Variants in ANKHD1 observed in about 807,000 individuals in gnomAD.
ANKHD1 encodes ankyrin repeat and KH domain-containing protein 1.
ANKHD1 carries 31 observed loss-of-function variants against 230.5 expected under a neutral mutation model. The observed-to-expected ratio is 0.13, with a 90% CI of 0.10 to 0.18. The LOEUF is 0.18. ANKHD1 is among the 10% of genes least tolerant of loss of function. The pLI, the probability that ANKHD1 is intolerant of heterozygous loss-of-function variation, is 1.00. For synonymous variants in ANKHD1, 1,074 were observed against 1,117.6 expected (o/e 0.96, Z 0.78); for missense variants, 2,256 against 3,071.3 (o/e 0.73, Z 6.27).
chr5:140,433,252 G>A (rs1773195409), intron 1 of ANKHD1, among the ~76,000 whole-genome samples: 1 of 151,994 alleles, frequency 6.6e-6, no homozygotes, highest in African/African-American at 2.4e-5. Flanking sequence ...TTTTAGTACA[G>A]ACAGGGTTTC....
Position 140,402,139 on chromosome 5 carries a change from A to AGCAGCG in ANKHD1, c.175_180dup (p.Ser59_Gly60dup), listed in dbSNP as rs763677213. 4 of 1,546,942 alleles carry AGCAGCG rather than the reference A, an allele frequency of 2.6e-6. No individual in the cohort carries two copies. The highest frequency in any genetic ancestry group is 2.4e-5 in the South Asian group (2 of 83,208). On this transcript the variant is annotated inframe_insertion, in exon 1 of 34. Transcript: ENST00000360839. ...GGCCGGGCCAGCGTCGGGAGTCGGC[A>AGCAGCG]GCAGCGGCGGCGGCGGCAGCGGCAG...
At position 140,528,527 on chromosome 5, in the gene ANKHD1, G is replaced by A; in HGVS notation, c.5581G>A (p.Ala1861Thr). Residue 1861 changes from alanine (A) to threonine (T), a missense_variant, in exon 29 of 34, where the codon GCT becomes ACT. By Grantham distance (58) the Ala-to-Thr change is moderately conservative. Around this residue, in one of 13 missense-constraint regions of ANKHD1, gnomAD observed 778 missense variants for 966.5 expected, o/e 0.80. Transcript: ENST00000360839. ...TCACCCTCATTTTGCCCTGCTGGCT[G>A]CTCAAACTATGCAACAGATTCGGCA... is the stretch of plus-strand genomic sequence containing the variant. The part of the protein sequence containing the change: ...YPHPHFALLA[A>T]QTMQQIRHPR... 1 of 1,614,134 alleles carries A rather than the reference G, an allele frequency of 6.2e-7. No individual in the cohort carries two copies. The highest frequency in any genetic ancestry group is 8.5e-7 in the Non-Finnish European group (1 of 1,180,022).
rs574348898 is a variant in ANKHD1, at chr5:140,436,178, A to C, written c.381A>C (p.Ser127=). ...AAACAACATCAGAGATATTCTTATC[A>C]AGTACTGCAGAAGGAGCAGACTTAC... ...VLKTTSEIFL[S]STAEGADLRT... The change falls in exon 2 of 34, where the codon TCA becomes TCC. Residue 127 remains serine, a synonymous_variant. Transcript: ENST00000360839. 5 of 1,610,844 alleles carry C rather than the reference A, an allele frequency of 3.1e-6. No individual in the cohort carries two copies. In the African/African-American group the frequency reaches 4.0e-5, roughly 13 times the overall value.
At position 140,496,200 on chromosome 5, in the gene ANKHD1, T is replaced by C. The variant is rs116565989; in HGVS notation, c.2246-320T>C. 8.8e-3 allele frequency among the ~76,000 whole-genome samples: 1,347 copies of C among 152,228 alleles called. 17 individuals are homozygous for C. The highest frequency in any genetic ancestry group is 0.028 in the African/African-American group (1,146 of 41,520). ...TCTAATCAGCAGAATTTTGAGATTC[T>C]TGCCTCTTGGTTTTCCTTTTCCCCG... is the stretch of plus-strand genomic sequence containing the variant. On this transcript the variant is annotated intron_variant, in intron 14 of 33. Transcript: ENST00000360839.
chr5:140,509,938 G>A, intron 21 of ANKHD1, 81 bp from the exon 22 acceptor site: 3 of 1,544,508 alleles, frequency 1.9e-6, no homozygotes, highest in East Asian at 2.3e-5. Context: ...AAGTTATTTT[G>A]TAAAAGAAGA....
At chr5:140,427,602 C>T (rs1392274432) in intron 1 of ANKHD1, among the ~76,000 whole-genome samples, 9 of 139,768 alleles carry the variant, frequency 6.4e-5, no homozygotes, top group South Asian at 2.3e-4. Flanking sequence ...GGGGGGCTGA[C>T]GCCCCCACCT....
rs182339714 is a variant in ANKHD1 at position 140,419,073 on chromosome 5, A to G, written c.306+16800A>G. On this transcript the variant is annotated intron_variant, in intron 1 of 33. Transcript: ENST00000360839. The stretch of plus-strand genomic sequence containing the variant: ...AGCTGTACTATTTAACATTCCTACC[A>G]GCAATGTACAAGAGTTCCATTCTTC... Among the ~76,000 whole-genome samples the G allele has an allele frequency of 2.3e-3, 356 of 152,098 alleles. 2 individuals are homozygous for G. Among genetic ancestry groups the G allele is most frequent in the Non-Finnish European group, 4.2e-3 (284 of 68,010 alleles).
intron 1 of ANKHD1, among the ~76,000 whole-genome samples, chr5:140,420,249 C>CA (rs545119755): frequency 2.0e-5 from 3 of 151,806 alleles, no homozygotes; most frequent in Non-Finnish European, 4.4e-5. Flanking sequence ...CTTGGCCTCT[C>CA]AAAGTGCTGG....
At position 140,529,441 on chromosome 5, in the gene ANKHD1, T is replaced by C; in HGVS notation, c.6495T>C (p.Val2165=). The C allele has an allele frequency of 6.2e-7, 1 of 1,614,232 alleles. No individual in the cohort carries two copies. The highest frequency in any genetic ancestry group is 1.3e-5 in the African/African-American group (1 of 75,064). The change falls in exon 29 of 34, where the codon GTT becomes GTC. Residue 2165 remains valine (V), a synonymous_variant. Transcript: ENST00000360839. ...AGTCTATTTTTGTTACGAATCCAGT[T>C]ACTTTAACACCACCTCAAGGCCCAC... ...DPQSIFVTNP[V]TLTPPQGPPA... is the part of the protein sequence containing the mutation.
At chr5:140,467,847 T>A (rs768415251) in intron 10 of ANKHD1, among the ~76,000 whole-genome samples, 1 of 152,038 alleles carries the variant, frequency 6.6e-6, no homozygotes, top group Non-Finnish European at 1.5e-5. Flanking sequence ...GTAATTCTTA[T>A]CAACTTTATC....
At chr5:140,517,430 C>A (rs1488798412) in intron 24 of ANKHD1, among the ~76,000 whole-genome samples, 2 of 151,300 alleles carry the variant, frequency 1.3e-5, no homozygotes, top group South Asian at 2.1e-4. Context: ...CAGCTCTGCA[C>A]CAAGCGGACC....
chr5:140,451,722 G>A (rs1029149742), intron 7 of ANKHD1, among the ~76,000 whole-genome samples: 1 of 152,002 alleles, frequency 6.6e-6, no homozygotes, highest in African/African-American at 2.4e-5. Context: ...TCCCCAGGGT[G>A]GTCTCAAACA....
At position 140,529,377 on chromosome 5, in the gene ANKHD1, A is replaced by G. The variant is rs1235387040; in HGVS notation, c.6431A>G (p.Tyr2144Cys). The G allele has an allele frequency of 6.2e-7, 1 of 1,613,828 alleles. No homozygotes were observed. The highest frequency in any genetic ancestry group is 1.1e-5 in the South Asian group (1 of 91,068). The change falls in exon 29 of 34, where the codon TAC (tyrosine) becomes TGC (cysteine). Residue 2144 changes from tyrosine (Y) to cysteine (C), a missense_variant. By Grantham distance (194) the Tyr-to-Cys change is radical. This residue lies in a region of ANKHD1 where 778 missense variants were observed against 966.5 expected (regional missense o/e 0.80). Transcript: ENST00000360839. ...CGAATGCAGCCCAGAGGTTCTTTTT[A>G]CTCCATGGTACCAAATGCAACTATT... is the stretch of plus-strand genomic sequence containing the variant. ...SHRMQPRGSF[Y>C]SMVPNATIHQ...
rs1754211031 is a variant in ANKHD1 at position 140,539,459 on chromosome 5, A to G, written c.*41A>G. 5 of 1,580,120 alleles carry G rather than the reference A, an allele frequency of 3.2e-6. No individual in the cohort carries two copies. The highest frequency in any genetic ancestry group is 1.7e-4 in the Middle Eastern group (1 of 5,946). On this transcript the variant is annotated 3_prime_UTR_variant, in exon 34 of 34. Transcript: ENST00000360839. ...CTCTTTAGCCTTGTTTAAGAAACCT[A>G]TGACCTTGGAAGAACCATGGGGATT... is the stretch of plus-strand genomic sequence containing the variant.
At chr5:140,440,416 A>G in intron 4 of ANKHD1, 150 bp downstream of exon 4, 1 of 1,208,942 alleles carries the variant, frequency 8.3e-7, no homozygotes, top group Non-Finnish European at 1.1e-6. Context: ...TAAAGTAGAA[A>G]CAGATAACAC....
chr5:140,470,611 C>CTT (rs386405120), intron 10 of ANKHD1, among the ~76,000 whole-genome samples: 1,935 of 71,778 alleles, frequency 0.027, 175 homozygotes, highest in Middle Eastern at 0.089. Flanking sequence ...CTTGTTTCTG[C>CTT]TTTTTTTTTT....
chr5:140,455,590 A>G (rs1775112603), intron 7 of ANKHD1, among the ~76,000 whole-genome samples: 1 of 152,258 alleles, frequency 6.6e-6, no homozygotes, highest in African/African-American at 2.4e-5. Flanking sequence ...AATCCAGCAT[A>G]TAAACAGAAC....
At chr5:140,410,324 T>C (rs1220845290) in intron 1 of ANKHD1, among the ~76,000 whole-genome samples, 1 of 152,180 alleles carries the variant, frequency 6.6e-6, no homozygotes, top group Non-Finnish European at 1.5e-5. Context: ...TGATAAATTA[T>C]GTTATGAATG....
At chr5:140,441,194 C>G in intron 5 of ANKHD1, 52 bp downstream of exon 5, 1 of 1,436,382 alleles carries the variant, frequency 7.0e-7, no homozygotes, top group East Asian at 2.6e-5. Context: ...ATAATTATTA[C>G]CTGAGAGAGA....
Sources: gnomAD v4.1 joint callset for allele counts (sites outside exome capture counted in the v4.1 genomes callset) on GRCh38, gnomAD v4.1.1 for gene constraint, gnomAD v4.1.1 regional missense constraint, MANE v1.5 for transcripts, NCBI Gene and HGNC (gene_info 2026-07-23, HGNC 2026-07-21) for gene names.